RUNX1: variants seen among roughly 807,000 people sequenced by gnomAD.
RUNX1 encodes the protein runt-related transcription factor 1.
In RUNX1, 19 loss-of-function variants were observed where a neutral mutation model predicts 42.8. The observed-to-expected ratio is 0.44, with a 90% confidence interval of 0.31 to 0.65. RUNX1 has a LOEUF of 0.65. Ranked by LOEUF, RUNX1 falls within the 30% of genes least tolerant of loss-of-function variation. The pLI is 0.07. For missense variants in RUNX1, 528 were observed against 672.0 expected, an observed-to-expected ratio of 0.79 and a Z score of 2.37; for synonymous variants, 271 against 289.4, an observed-to-expected ratio of 0.94 and a Z score of 0.64.
At chr21:34,976,235 T>C (rs1268134403) in intron 2 of RUNX1, among the ~76,000 whole-genome samples, 1 of 152,216 alleles carries the variant, frequency 6.6e-6, no homozygotes, top group Non-Finnish European at 1.5e-5. Flanking sequence ...TGCTTACATT[T>C]TGAAGTTAGT....
chr21:34,967,319 CAAAAAAAAAAAAAAAAAAAAA>C (rs398036394), intron 2 of RUNX1, among the ~76,000 whole-genome samples: 2 of 15,630 alleles, frequency 1.3e-4, no homozygotes, highest in African/African-American at 2.0e-4. Context: ...GACTCGGTCT[CAAAAAAAAAAAAAAAAAAAAA>C]AAAAAAAAAA....
chr21:34,959,203 TA>T (rs924141449), intron 2 of RUNX1, among the ~76,000 whole-genome samples: 3 of 148,924 alleles, frequency 2.0e-5, no homozygotes, highest in Non-Finnish European at 4.5e-5. Flanking sequence ...AGTATAATAA[TA>T]AAAAAAGACA....
intron 2 of RUNX1, among the ~76,000 whole-genome samples, chr21:34,998,743 G>A (rs1050869600): frequency 1.1e-4 from 17 of 152,124 alleles, no homozygotes; most frequent in East Asian, 7.8e-4. Context: ...GGGTTTCACC[G>A]AGTTAGCCAG....
At chr21:34,985,867 CTTTTTTTT>C (rs33913281) in intron 2 of RUNX1, among the ~76,000 whole-genome samples, 1 of 75,478 alleles carries the variant, frequency 1.3e-5, no homozygotes, top group African/African-American at 5.0e-5. Context: ...TCTGACCAGA[CTTTTTTTT>C]TTTTTTTTTT....
intron 6 of RUNX1, among the ~76,000 whole-genome samples, chr21:34,851,937 C>T (rs557043204): frequency 1.6e-4 from 24 of 152,220 alleles, no homozygotes; most frequent in South Asian, 4.1e-4. Flanking sequence ...GAGGCCAAGG[C>T]GGGTGGATCA....
chr21:34,984,520 T>A (rs2058870769), intron 2 of RUNX1, among the ~76,000 whole-genome samples: 1 of 152,106 alleles, frequency 6.6e-6, no homozygotes, highest in Non-Finnish European at 1.5e-5. Flanking sequence ...GAAAAATGGT[T>A]TGAGATTCAC....
At chr21:34,913,749 C>T (rs913164896) in intron 2 of RUNX1, among the ~76,000 whole-genome samples, 5 of 152,090 alleles carry the variant, frequency 3.3e-5, no homozygotes, top group African/African-American at 7.2e-5. Flanking sequence ...GATTTTCTGA[C>T]GTATCAGTTA....
intron 8 of RUNX1, among the ~76,000 whole-genome samples, chr21:34,793,398 G>T (rs538044232): frequency 6.6e-6 from 1 of 151,836 alleles, no homozygotes; most frequent in African/African-American, 2.4e-5. Context: ...TATGTATAAC[G>T]TATATAAAAT....
At chr21:34,818,726 G>T (rs1036527158) in intron 7 of RUNX1, among the ~76,000 whole-genome samples, 1 of 152,212 alleles carries the variant, frequency 6.6e-6, no homozygotes, top group Admixed American at 6.5e-5. Flanking sequence ...TGGACCAGCC[G>T]ACCGGCAGCT....
At chr21:35,001,176 TTTC>T in intron 2 of RUNX1, among the ~76,000 whole-genome samples, 1 of 152,164 alleles carries the variant, frequency 6.6e-6, no homozygotes, top group Admixed American at 6.5e-5. Flanking sequence ...TTTGCAATAG[TTTC>T]TTATTTGTAT....
At chr21:34,893,834 G>A (rs1296578751) in intron 2 of RUNX1, among the ~76,000 whole-genome samples, 38 of 151,224 alleles carry the variant, frequency 2.5e-4, no homozygotes, top group African/African-American at 8.8e-4. Flanking sequence ...ATTTCTAGAT[G>A]CTGTTTAAAT....
At chr21:34,813,654 T>G (rs1028659433) in intron 7 of RUNX1, among the ~76,000 whole-genome samples, 3 of 152,134 alleles carry the variant, frequency 2.0e-5, no homozygotes, top group Non-Finnish European at 2.9e-5. Context: ...AGACTGCTCC[T>G]GAGCTGACCG....
chr21:34,907,242 G>T lies in RUNX1; in HGVS notation c.59-14279C>A, dbSNP rs1410568516. On this transcript the variant is annotated intron_variant, in intron 2 of 8. Transcript: ENST00000675419. The surrounding 1 kb of genome is among the most constrained non-coding windows in gnomAD (Gnocchi z 5.3). Reference sequence around the variant, plus strand: ...TCTGCCCACAGGTAAGGGGCACAGAGAAGGAGATATAGACTTCTAATTTAG... The same window carrying T: ...TCTGCCCACAGGTAAGGGGCACAGATAAGGAGATATAGACTTCTAATTTAG... Among the ~76,000 whole-genome samples, 1 of 152,182 alleles carries T rather than the reference G, an allele frequency of 6.6e-6. No homozygotes were observed. The highest frequency in any genetic ancestry group is 1.5e-5 in the Non-Finnish European group (1 of 68,036).
chr21:34,878,397 A>G (rs1249195009), intron 5 of RUNX1, among the ~76,000 whole-genome samples: 1 of 151,222 alleles, frequency 6.6e-6, no homozygotes, highest in Admixed American at 6.6e-5. Context: ...ATATATATAT[A>G]CATCTCAAGA....
At chr21:34,882,152 T>A (rs1297534149) in intron 4 of RUNX1, among the ~76,000 whole-genome samples, 1 of 152,216 alleles carries the variant, frequency 6.6e-6, no homozygotes, top group Non-Finnish European at 1.5e-5. Context: ...TTCAGGCCTC[T>A]TTTTCTATAT....
At chr21:35,047,561 A>ACACT (rs1428982623) in intron 2 of RUNX1, among the ~76,000 whole-genome samples, 62 of 46,804 alleles carry the variant, frequency 1.3e-3, no homozygotes, top group African/African-American at 2.1e-3. Context: ...ACACACACAC[A>ACACT]CTCTCTCTCT....
intron 2 of RUNX1, among the ~76,000 whole-genome samples, chr21:34,922,549 G>A (rs192196276): frequency 3.9e-5 from 6 of 152,298 alleles, no homozygotes; most frequent in Admixed American, 3.9e-4. Context: ...AGGGAGAGAA[G>A]GGGTGAAGAG....
At chr21:34,989,569 A>G (rs1286118099) in intron 2 of RUNX1, among the ~76,000 whole-genome samples, 1 of 152,034 alleles carries the variant, frequency 6.6e-6, no homozygotes, top group Non-Finnish European at 1.5e-5. Context: ...CCCTGATTAA[A>G]GCAGTTTCTC....
At chr21:34,973,253 G>A (rs544831093) in intron 2 of RUNX1, among the ~76,000 whole-genome samples, 86 of 152,304 alleles carry the variant, frequency 5.6e-4, no homozygotes, top group African/African-American at 2.0e-3. Flanking sequence ...TGCCTGTGAT[G>A]TTATATTGTA....
Sources: gnomAD v4.1 joint callset for allele counts (sites outside exome capture counted in the v4.1 genomes callset) on GRCh38, gnomAD v4.1.1 for gene constraint, Gnocchi (gnomAD v3.1) non-coding constraint, MANE v1.5 for transcripts, NCBI Gene and HGNC (gene_info 2026-07-23, HGNC 2026-07-21) for gene names.